The following POU3F3 variants were observed in gnomAD, a reference collection of about 807,000 sequenced individuals.
POU3F3 encodes the protein POU domain, class 3, transcription factor 3.
In POU3F3, 1 loss-of-function variant was observed where a neutral mutation model predicts 8.6. The observed-to-expected ratio is 0.12, with a 90% CI of 0.04 to 0.55. The LOEUF is 0.55. Among genes scored for constraint, POU3F3 ranks in the 20% least tolerant of loss-of-function variants. POU3F3 has a pLI of 0.91. For synonymous variants in POU3F3, 418 were observed against 327.4 expected (o/e 1.28, Z -2.99); for missense variants, 577 against 690.7 (o/e 0.84, Z 1.84).
At chr2:104,913,614 G>A in the POU3F3 span, among the ~76,000 whole-genome samples, 3 of 152,168 alleles carry the variant, frequency 2.0e-5, no homozygotes, top group Non-Finnish European at 4.4e-5. Flanking sequence ...ACACCCATCA[G>A]AGCACTCAGT....
At chr2:104,899,055 A>T in the POU3F3 span, among the ~76,000 whole-genome samples, 1 of 152,236 alleles carries the variant, frequency 6.6e-6, no homozygotes, top group African/African-American at 2.4e-5. Context: ...TGCCAGTGAG[A>T]TGAAACCAAT....
In POU3F3 at chr2:104,855,663, G is replaced by A; in HGVS notation, c.153G>A (p.Met51Ile). 9.5e-7 allele frequency: 1 copy of A among 1,053,154 alleles called. No individual in the cohort carries two copies. Among genetic ancestry groups the A allele is most frequent in the Non-Finnish European group, 1.1e-6 (1 of 869,626 alleles). The allele number at this position is 1,053,154 out of a possible 1,614,324, so 65.2% of individuals were successfully genotyped here. ...GCGCAGGGGGCGGGGGCGGCGGCAT[G>A]CAGCCGGGCAGCGCCGCCGTGACCT... ...GGGAGGGGGGMQPGSAAVTSG... is the reference protein window; with the variant it reads ...GGGAGGGGGGIQPGSAAVTSG... Residue 51 changes from methionine to isoleucine, a missense_variant, in exon 1 of 1, where the codon ATG becomes ATA. Physicochemically the swap from Met to Ile is conservative, Grantham distance 10 (BLOSUM62 1). Coordinates refer to ENST00000361360, the MANE Select transcript of POU3F3 (RefSeq NM_006236.3).
chr2:104,887,801 G>A, the POU3F3 span, among the ~76,000 whole-genome samples: 13 of 152,306 alleles, frequency 8.5e-5, no homozygotes, highest in East Asian at 1.9e-4. Context: ...GGATGGATGC[G>A]TCCATGGTCC....
At chr2:104,918,770 G>A in the POU3F3 span, among the ~76,000 whole-genome samples, 1 of 152,056 alleles carries the variant, frequency 6.6e-6, no homozygotes, top group African/African-American at 2.4e-5. Flanking sequence ...GTGGCACTTT[G>A]TTAGGGTAGC....
At chr2:104,923,199 T>C in the POU3F3 span, among the ~76,000 whole-genome samples, 1 of 152,232 alleles carries the variant, frequency 6.6e-6, no homozygotes, top group Non-Finnish European at 1.5e-5. Flanking sequence ...TGAAGCTCTA[T>C]GATGAAATAA....
the POU3F3 span, among the ~76,000 whole-genome samples, chr2:104,901,169 A>G: frequency 6.6e-6 from 1 of 152,188 alleles, no homozygotes; most frequent in Non-Finnish European, 1.5e-5. Flanking sequence ...TAGGTATTCA[A>G]TCACTGCCCT....
the POU3F3 span, among the ~76,000 whole-genome samples, chr2:104,884,504 T>C: frequency 2.0e-5 from 3 of 152,090 alleles, no homozygotes; most frequent in South Asian, 2.1e-4. Context: ...TCAAGCCAAC[T>C]CAAGAAGAAA....
In POU3F3 at chr2:104,855,780, G is replaced by A; in HGVS notation, c.270G>A (p.Met90Ile). Residue 90 changes from methionine (M) to isoleucine (I), a missense_variant, in exon 1 of 1, where the codon ATG (methionine) becomes ATA (isoleucine). Physicochemically the swap from Met to Ile is conservative, Grantham distance 10. This residue lies in a region of POU3F3 where 484 missense variants were observed against 422.6 expected (regional missense o/e 1.15). Coordinates refer to ENST00000361360, the MANE Select transcript of POU3F3 (RefSeq NM_006236.3). ...GAMAASNGGHMLSHAHQWVTA... is the reference protein window; with the variant it reads ...GAMAASNGGHILSHAHQWVTA... ...TGGCCGCCAGCAACGGCGGCCATATGCTGAGCCACGCGCACCAGTGGGTCA... is the reference window on the plus strand; with the variant it reads ...TGGCCGCCAGCAACGGCGGCCATATACTGAGCCACGCGCACCAGTGGGTCA... 1 of 1,321,046 alleles carries A rather than the reference G, an allele frequency of 7.6e-7. No individual in the cohort carries two copies. The highest frequency in any genetic ancestry group is 1.6e-5 in the African/African-American group (1 of 63,568). The allele number at this position is 1,321,046 out of a possible 1,614,324, so 81.8% of individuals were successfully genotyped here.
At chr2:104,895,429 G>C in the POU3F3 span, among the ~76,000 whole-genome samples, 1 of 152,100 alleles carries the variant, frequency 6.6e-6, no homozygotes, top group Admixed American at 6.5e-5. Context: ...TTTAGGAGGG[G>C]CCTTATCAGA....
chr2:104,896,953 T>C, the POU3F3 span, among the ~76,000 whole-genome samples: 2 of 152,258 alleles, frequency 1.3e-5, no homozygotes, highest in African/African-American at 4.8e-5. Flanking sequence ...CTCTGGCTGT[T>C]GGATGCCCTT....
the POU3F3 span, among the ~76,000 whole-genome samples, chr2:104,913,082 C>T: frequency 2.6e-4 from 39 of 152,264 alleles, no homozygotes; most frequent in African/African-American, 8.9e-4. Flanking sequence ...TTGCAAACCA[C>T]TTGGATGTGG....
chr2:104,856,356 G>A lies in POU3F3; in HGVS notation c.846G>A (p.Pro282=), dbSNP rs760289602. 2.6e-6 allele frequency: 4 copies of A among 1,522,408 alleles called. No homozygotes were observed. In the Admixed American group the frequency reaches 6.2e-5, roughly 24 times the overall value. 94.3% of individuals were successfully genotyped at this position (1,522,408 alleles called of 1,614,324 possible). A position where few individuals can be genotyped will look rare whatever the true frequency, so the allele number is the denominator to read the frequency against. Residue 282 remains proline, a synonymous_variant, in exon 1 of 1, where the codon CCG becomes CCA. Coordinates refer to ENST00000361360, the MANE Select transcript of POU3F3 (RefSeq NM_006236.3). Reference sequence around the variant, plus strand: ...ACCACCACCACGCGCATCCTCACCCGCCGCACCCGCACCACGCGCAGGGAC... The same window carrying A: ...ACCACCACCACGCGCATCCTCACCCACCGCACCCGCACCACGCGCAGGGAC... ...HHHHHHAHPH[P]PHPHHAQGPP... is the part of the protein sequence containing the mutation.
downstream of POU3F3, among the ~76,000 whole-genome samples, chr2:104,862,782 G>T (rs1230312462): frequency 6.6e-6 from 1 of 152,208 alleles, no homozygotes; most frequent in Non-Finnish European, 1.5e-5. Context: ...GCAGGGCTAA[G>T]AATATGCAAG....
the POU3F3 span, among the ~76,000 whole-genome samples, chr2:104,924,591 A>AAC: frequency 6.6e-6 from 1 of 152,218 alleles, no homozygotes; most frequent in Non-Finnish European, 1.5e-5. Flanking sequence ...CAGGATTTTC[A>AAC]ACACTATGAA....
downstream of POU3F3, among the ~76,000 whole-genome samples, chr2:104,863,526 A>G (rs1297164450): frequency 1.3e-5 from 2 of 152,122 alleles, no homozygotes; most frequent in South Asian, 4.1e-4. Context: ...CACGCTGCTG[A>G]CGGTGGAGTT....
chr2:104,864,910 T>C, the POU3F3 span, among the ~76,000 whole-genome samples: 1 of 152,250 alleles, frequency 6.6e-6, no homozygotes, highest in Non-Finnish European at 1.5e-5. Flanking sequence ...GGACTGTTAA[T>C]ATCACCCTAG....
At chr2:104,877,117 C>T in the POU3F3 span, among the ~76,000 whole-genome samples, 1 of 152,046 alleles carries the variant, frequency 6.6e-6, no homozygotes, top group Non-Finnish European at 1.5e-5. Flanking sequence ...AGAAAGAGAA[C>T]CACACAAAAG....
At chr2:104,880,610 C>A in the POU3F3 span, among the ~76,000 whole-genome samples, 1 of 152,230 alleles carries the variant, frequency 6.6e-6, no homozygotes, top group African/African-American at 2.4e-5. Context: ...CAAGTCCATT[C>A]TGATTTGTTT....
the POU3F3 span, among the ~76,000 whole-genome samples, chr2:104,863,860 T>C: frequency 2.0e-5 from 3 of 152,304 alleles, no homozygotes; most frequent in East Asian, 5.8e-4. Context: ...CTGGCAGGGC[T>C]CATTGTCTGG....
Sources: gnomAD v4.1 joint callset for allele counts (sites outside exome capture counted in the v4.1 genomes callset) on GRCh38, gnomAD v4.1.1 for gene constraint, gnomAD v4.1.1 regional missense constraint, MANE v1.5 for transcripts, NCBI Gene and HGNC (gene_info 2026-07-23, HGNC 2026-07-21) for gene names.